The following GABRG3 variants were observed in gnomAD, a reference collection of about 807,000 sequenced individuals.
GABRG3 encodes gamma-aminobutyric acid type A receptor subunit gamma3.
GABRG3 carries 25 observed loss-of-function variants against 48.8 expected under a neutral mutation model. The ratio of observed to expected loss-of-function variants is 0.51; its 90% confidence interval spans 0.37 to 0.72. The LOEUF is 0.72. Among genes scored for constraint, GABRG3 ranks in the 30% least tolerant of loss-of-function variants. GABRG3 has a pLI of 0.00. For missense variants in GABRG3, 394 were observed against 577.9 expected (o/e 0.68, Z 3.26); for synonymous variants, 227 against 217.6 (o/e 1.04, Z -0.38).
At chr15:27,162,599 A>G (rs914055898) in intron 3 of GABRG3, among the ~76,000 whole-genome samples, 6 of 152,110 alleles carry the variant, frequency 3.9e-5, no homozygotes, top group African/African-American at 1.4e-4. Flanking sequence ...AACACGCCAA[A>G]TGGAAAAGGG....
intron 5 of GABRG3, among the ~76,000 whole-genome samples, chr15:27,350,962 GGT>G (rs1009046467): frequency 1.3e-5 from 2 of 151,296 alleles, no homozygotes; most frequent in African/African-American, 2.4e-5. Flanking sequence ...GTGTGCATAT[GGT>G]GTGTGTTTGT....
chr15:27,207,882 A>T (rs912110245), intron 3 of GABRG3, among the ~76,000 whole-genome samples: 2 of 152,156 alleles, frequency 1.3e-5, no homozygotes, highest in African/African-American at 4.8e-5. Flanking sequence ...CAGGGAAAAG[A>T]CATCATAAGT....
At chr15:27,206,532 T>C (rs1888857220) in intron 3 of GABRG3, among the ~76,000 whole-genome samples, 1 of 152,226 alleles carries the variant, frequency 6.6e-6, no homozygotes, top group Non-Finnish European at 1.5e-5. Flanking sequence ...TATTTTGTTA[T>C]TGGGTGCAGT....
intron 5 of GABRG3, among the ~76,000 whole-genome samples, chr15:27,383,543 A>G (rs901473474): frequency 8.5e-5 from 13 of 152,104 alleles, no homozygotes; most frequent in Admixed American, 5.2e-4. Flanking sequence ...CCAGTCCAGT[A>G]TTTGTCTCAT....
chr15:27,305,384 G>A (rs180712129), intron 3 of GABRG3, among the ~76,000 whole-genome samples: 7 of 150,894 alleles, frequency 4.6e-5, no homozygotes, highest in Non-Finnish European at 8.9e-5. Context: ...GAAATAGAGA[G>A]TCATACTGTC....
At chr15:27,258,616 T>A (rs1209257479) in intron 3 of GABRG3, among the ~76,000 whole-genome samples, 1 of 152,188 alleles carries the variant, frequency 6.6e-6, no homozygotes, top group Non-Finnish European at 1.5e-5. Flanking sequence ...TTATTTCTAG[T>A]TGACATGTAA....
chr15:27,329,288 A>C (rs1381153530), intron 5 of GABRG3, among the ~76,000 whole-genome samples: 2 of 151,906 alleles, frequency 1.3e-5, no homozygotes, highest in Admixed American at 6.6e-5. Context: ...ATTGAAACTG[A>C]GTTTTGCTCT....
intron 6 of GABRG3, among the ~76,000 whole-genome samples, chr15:27,506,874 T>A (rs1164427333): frequency 6.6e-6 from 1 of 151,244 alleles, no homozygotes; most frequent in Non-Finnish European, 1.5e-5. Flanking sequence ...CTAAAGTGAC[T>A]ATTTTTTTTC....
intron 3 of GABRG3, among the ~76,000 whole-genome samples, chr15:27,308,019 A>T (rs1595663431): frequency 7.1e-6 from 1 of 140,094 alleles, no homozygotes; most frequent in Non-Finnish European, 1.5e-5. Context: ...CGTATATATA[A>T]AATAAACATG....
chr15:27,194,028 G>C (rs977753144), intron 3 of GABRG3, among the ~76,000 whole-genome samples: 2 of 152,014 alleles, frequency 1.3e-5, no homozygotes, highest in Admixed American at 6.5e-5. Flanking sequence ...ATAGTTTTTA[G>C]AATTTAATCT....
chr15:27,510,016 G>A (rs528477370), intron 6 of GABRG3, among the ~76,000 whole-genome samples: 20 of 152,280 alleles, frequency 1.3e-4, no homozygotes, highest in African/African-American at 4.8e-4. Context: ...TTTAGTGTGA[G>A]GGTTCTTGCT....
chr15:27,054,253 AAAG>A (rs1229020829), intron 3 of GABRG3, among the ~76,000 whole-genome samples: 1 of 151,694 alleles, frequency 6.6e-6, no homozygotes, highest in East Asian at 1.9e-4. Context: ...AGAAAAAAAA[AAAG>A]AAAAAAGGAG....
Position 26,976,852 on chromosome 15 carries a change from G to T in GABRG3, c.54-150G>T. 1 of 673,624 alleles carries T rather than the reference G, an allele frequency of 1.5e-6. No homozygotes were observed. The allele number at this position is 673,624 out of a possible 1,614,324, so 41.7% of individuals were successfully genotyped here. The stretch of plus-strand genomic sequence containing the variant: ...CGTATTTTGTGTTTCTTTCTTTTTA[G>T]AAAATATTTTCGGGTTTTCACGTGT... On this transcript the variant is annotated intron_variant, in intron 1 of 9. Transcript: ENST00000615808. The surrounding 1 kb of genome is among the most constrained non-coding windows in gnomAD (Gnocchi z 7.8).
intron 5 of GABRG3, among the ~76,000 whole-genome samples, chr15:27,338,529 C>T (rs939310342): frequency 6.6e-6 from 1 of 152,160 alleles, no homozygotes; most frequent in Admixed American, 6.5e-5. Flanking sequence ...TCACGGCACT[C>T]GCATCCTTCC....
chr15:27,445,461 A>G (rs79402088), intron 5 of GABRG3, among the ~76,000 whole-genome samples: 2 of 152,212 alleles, frequency 1.3e-5, no homozygotes, highest in South Asian at 2.1e-4. Context: ...TTATGTGTTT[A>G]TTGGCCACCT....
intron 3 of GABRG3, among the ~76,000 whole-genome samples, chr15:27,045,182 A>G (rs953806007): frequency 1.3e-5 from 2 of 152,240 alleles, no homozygotes; most frequent in African/African-American, 4.8e-5. Context: ...AGCATGGCCT[A>G]GATCAGACCT....
At chr15:27,260,285 C>T (rs1890732947) in intron 3 of GABRG3, among the ~76,000 whole-genome samples, 1 of 152,130 alleles carries the variant, frequency 6.6e-6, no homozygotes, top group Non-Finnish European at 1.5e-5. Flanking sequence ...CAGGCAGTCC[C>T]CATCTATTTT....
intron 3 of GABRG3, among the ~76,000 whole-genome samples, chr15:27,220,717 T>G (rs746299566): frequency 7.2e-5 from 11 of 152,314 alleles, no homozygotes; most frequent in Non-Finnish European, 1.3e-4. Flanking sequence ...TCCTACTGTC[T>G]TCTTGCCTAT....
rs898049653 is a variant in GABRG3 at position 27,021,121 on chromosome 15, A to G, written c.203-5633A>G. Among the ~76,000 whole-genome samples, 4 of 152,218 alleles carry G rather than the reference A, an allele frequency of 2.6e-5. No individual in the cohort carries two copies. In the East Asian group the frequency reaches 7.7e-4, roughly 29 times the overall value. ...TTCCAATGACACTGATTTGATCTTT[A>G]TAGACTATATAAATGTATTAAATTA... On this transcript the variant is annotated intron_variant, in intron 2 of 9. Transcript: ENST00000615808.
Sources: allele counts gnomAD v4.1 joint callset (sites outside exome capture counted in the v4.1 genomes callset), GRCh38; gene constraint gnomAD v4.1.1; non-coding constraint Gnocchi (gnomAD v3.1); transcripts MANE v1.5; gene names NCBI Gene and HGNC (gene_info 2026-07-23, HGNC 2026-07-21).